Variants in XPO5 observed in about 807,000 individuals in gnomAD.
XPO5 encodes exportin-5.
Under a neutral mutation model 160.6 loss-of-function variants are expected in XPO5, and 46 were observed. The observed-to-expected ratio is 0.29, with a 90% CI of 0.23 to 0.37. The LOEUF is 0.37. Among genes scored for constraint, XPO5 ranks in the 10% least tolerant of loss-of-function variants. The probability of loss-of-function intolerance (pLI) is 1.00; values close to 1 mark genes in which losing one functional copy is unlikely to be tolerated. For missense variants in XPO5, 1,090 were observed against 1,463.9 expected, an observed-to-expected ratio of 0.74 and a Z score of 4.17; for synonymous variants, 537 against 519.3, an observed-to-expected ratio of 1.03 and a Z score of -0.46.
At chr6:43,542,545 G>C (rs535799599) in intron 20 of XPO5, among the ~76,000 whole-genome samples, 56 of 152,180 alleles carry the variant, frequency 3.7e-4, no homozygotes, top group African/African-American at 1.1e-3. Flanking sequence ...GAGTAGCTGG[G>C]ATTACAGGCA....
intron 20 of XPO5, chr6:43,539,674 C>T (rs1251625218): frequency 4.1e-6 from 4 of 983,830 alleles, no homozygotes; most frequent in Admixed American, 2.3e-5. Flanking sequence ...GGCCTCCAGG[C>T]CCCCCCACTG....
rs533652997 is a variant in XPO5, at chr6:43,539,085, C to T, written c.2343-5078G>A. The T allele has an allele frequency of 7.2e-4, 990 of 1,367,728 alleles. 3 individuals carry two copies. The highest frequency in any genetic ancestry group is 2.2e-3 in the South Asian group (186 of 84,912). The allele number at this position is 1,367,728 out of a possible 1,614,324, so 84.7% of individuals were successfully genotyped here. Reference sequence around the variant, plus strand: ...ATGAGCAGCTTCTTGGGCACAGGTGCGGAGACAATGCCAGTGCCCCTGGGT... The same window carrying T: ...ATGAGCAGCTTCTTGGGCACAGGTGTGGAGACAATGCCAGTGCCCCTGGGT... On this transcript the variant is annotated intron_variant, in intron 20 of 31. Coordinates refer to ENST00000265351, the MANE Select transcript of XPO5 (RefSeq NM_020750.3).
At chr6:43,575,635 G>A (rs974902248) in intron 1 of XPO5, 125 bp downstream of exon 1, 4 of 791,242 alleles carry the variant, frequency 5.1e-6, no homozygotes, top group South Asian at 1.7e-5. Flanking sequence ...AAGGTCCCGG[G>A]GAGTTGGGAA....
chr6:43,551,519 C>T, intron 14 of XPO5, 66 bp from the exon 15 acceptor site: 2 of 1,576,686 alleles, frequency 1.3e-6, no homozygotes, highest in Admixed American at 1.8e-5. Flanking sequence ...ATTTTGGCTA[C>T]ATTTTATTTT....
intron 12 of XPO5, among the ~76,000 whole-genome samples, chr6:43,557,284 G>C (rs1345503832): frequency 6.6e-6 from 1 of 151,788 alleles, no homozygotes; most frequent in East Asian, 1.9e-4. Context: ...AAATTGGCTG[G>C]GTATGATGGC....
At chr6:43,570,083 CG>C (rs1762924879) in intron 5 of XPO5, among the ~76,000 whole-genome samples, 1 of 133,714 alleles carries the variant, frequency 7.5e-6, no homozygotes. Flanking sequence ...CTTTGGGAGG[CG>C]GGCGGATCAT....
intron 2 of XPO5, 45 bp downstream of exon 2, chr6:43,573,435 A>T (rs1292617865): frequency 1.2e-6 from 2 of 1,608,584 alleles, no homozygotes; most frequent in Admixed American, 1.7e-5. Flanking sequence ...AGATATAAAG[A>T]TCTGTTCTCT....
At position 43,524,375 on chromosome 6, in the gene XPO5, C is replaced by T. The variant is rs1229308879; in HGVS notation, c.3477+96G>A. The T allele has an allele frequency of 3.8e-6, 5 of 1,301,412 alleles. No homozygotes were observed. In the African/African-American group the frequency reaches 6.0e-5, roughly 16 times the overall value. 80.6% of individuals were successfully genotyped at this position (1,301,412 alleles called of 1,614,324 possible). ...CTCAAAAAAAAAAAAAAAAAAATCT[C>T]ACCATAATGGTCAATAACTACAGCT... On this transcript the variant is annotated intron_variant, in intron 31 of 31. Coordinates refer to ENST00000265351, the MANE Select transcript of XPO5 (RefSeq NM_020750.3).
intron 5 of XPO5, 132 bp downstream of exon 5, chr6:43,570,370 A>T: frequency 1.2e-5 from 7 of 590,476 alleles, no homozygotes; most frequent in Admixed American, 3.6e-5. Flanking sequence ...GTCATTTCCT[A>T]GTTTTTTATT....
chr6:43,556,293 G>A (rs1762081413), intron 12 of XPO5, among the ~76,000 whole-genome samples: 1 of 152,244 alleles, frequency 6.6e-6, no homozygotes, highest in Non-Finnish European at 1.5e-5. Context: ...GGAGGCCAAG[G>A]TGGGCAGACT....
chr6:43,549,431 G>C, intron 17 of XPO5, 58 bp downstream of exon 17: 2 of 1,506,288 alleles, frequency 1.3e-6, no homozygotes, highest in Non-Finnish European at 1.8e-6. Flanking sequence ...ACTGAAAGCT[G>C]GATTTACACA....
intron 8 of XPO5, among the ~76,000 whole-genome samples, chr6:43,563,410 CAG>C (rs1398748927): frequency 6.6e-6 from 1 of 152,188 alleles, no homozygotes; most frequent in Non-Finnish European, 1.5e-5. Flanking sequence ...ATGGGGATTA[CAG>C]GCATGAGCCA....
intron 26 of XPO5, 79 bp downstream of exon 26, chr6:43,527,555 G>A (rs1582195295): frequency 1.4e-6 from 2 of 1,420,288 alleles, no homozygotes; most frequent in East Asian, 4.6e-5. Context: ...CATTAGTCAG[G>A]CCTTCATGGA....
At chr6:43,567,081 A>G in intron 7 of XPO5, 88 bp downstream of exon 7, 1 of 1,401,630 alleles carries the variant, frequency 7.1e-7, no homozygotes, top group Non-Finnish European at 9.5e-7. Flanking sequence ...CCAAACCTTT[A>G]AATGACTTTC....
intron 20 of XPO5, among the ~76,000 whole-genome samples, chr6:43,540,640 T>C (rs978031576): frequency 2.0e-5 from 3 of 151,722 alleles, no homozygotes; most frequent in South Asian, 2.1e-4. Flanking sequence ...GCAACAAGAG[T>C]GACACTCCGT....
chr6:43,539,336 C>G (rs1355763231), intron 20 of XPO5: 1 of 1,578,838 alleles, frequency 6.3e-7, no homozygotes, highest in African/African-American at 1.3e-5. Flanking sequence ...CGCCTTGAAC[C>G]TGGTGCGCTG....
chr6:43,553,623 A>G (rs1795367001), intron 13 of XPO5, 120 bp from the exon 14 acceptor site: 1 of 1,441,322 alleles, frequency 6.9e-7, no homozygotes, highest in African/African-American at 1.4e-5. Context: ...GAATTTCATG[A>G]TTGAAGGAGC....
chr6:43,550,932 A>AT (rs1795197723), intron 15 of XPO5: 1 of 160,776 alleles, frequency 6.2e-6, no homozygotes, highest in South Asian at 1.8e-4. Flanking sequence ...AATGCCATAT[A>AT]GGTAACATTA....
At chr6:43,553,859 A>T (rs1211294385) in intron 13 of XPO5, among the ~76,000 whole-genome samples, 1 of 152,182 alleles carries the variant, frequency 6.6e-6, no homozygotes, top group African/African-American at 2.4e-5. Context: ...ATAAACATGA[A>T]TTAGTTTCTC....
Sources: gnomAD v4.1 joint callset for allele counts (sites outside exome capture counted in the v4.1 genomes callset) on GRCh38, gnomAD v4.1.1 for gene constraint, MANE v1.5 for transcripts, NCBI Gene and HGNC (gene_info 2026-07-23, HGNC 2026-07-21) for gene names.